The following SMCO4 variants were observed in gnomAD, a reference collection of about 807,000 sequenced individuals.
SMCO4 encodes single-pass membrane protein with coiled-coil domains 4, also known as single-pass membrane and coiled-coil domain-containing protein 4.
SMCO4 carries 4 observed loss-of-function variants against 3.6 expected under a neutral mutation model. The observed-to-expected ratio is 1.11, with a 90% CI of 0.54 to 2.53. The LOEUF is 2.53. Among genes scored for constraint, SMCO4 ranks in the 30% most tolerant of loss-of-function variants. SMCO4 has a pLI of 0.02. For missense variants in SMCO4, 70 were observed against 80.8 expected (o/e 0.87, Z 0.51); for synonymous variants, 36 against 35.3 (o/e 1.02, Z -0.07).
chr11:93,510,830 G>A (rs1383441207), intron 1 of SMCO4, among the ~76,000 whole-genome samples: 3 of 152,190 alleles, frequency 2.0e-5, no homozygotes, highest in African/African-American at 7.2e-5. Flanking sequence ...CCACTGCAGT[G>A]GCTCATGCCT....
intron 1 of SMCO4, among the ~76,000 whole-genome samples, chr11:93,504,514 C>T (rs1948880415): frequency 6.6e-6 from 1 of 152,192 alleles, no homozygotes. Flanking sequence ...CCAAAAGCAC[C>T]AGTTAATAAA....
intron 1 of SMCO4, among the ~76,000 whole-genome samples, chr11:93,528,407 C>T (rs1949131872): frequency 6.6e-6 from 1 of 152,190 alleles, no homozygotes; most frequent in Non-Finnish European, 1.5e-5. Flanking sequence ...GCCTCCAGAG[C>T]CAGAATGGAG....
chr11:93,516,274 A>G (rs1949007218), intron 1 of SMCO4, among the ~76,000 whole-genome samples: 1 of 152,190 alleles, frequency 6.6e-6, no homozygotes, highest in Non-Finnish European at 1.5e-5. Context: ...TGCCGGTCCC[A>G]AAAGAAAGAA....
chr11:93,519,109 T>C (rs1031657223), intron 1 of SMCO4, among the ~76,000 whole-genome samples: 2 of 152,260 alleles, frequency 1.3e-5, no homozygotes, highest in Middle Eastern at 6.8e-3. Context: ...AAGGGAAAGA[T>C]ACGAAAGCAT....
At chr11:93,535,744 G>A in intron 1 of SMCO4, 4 of 1,612,404 alleles carry the variant, frequency 2.5e-6, no homozygotes, top group Non-Finnish European at 3.4e-6. Flanking sequence ...TAACATGGAT[G>A]GGCTGAAGAA....
chr11:93,544,465 G>C (rs1949300135), upstream of SMCO4, among the ~76,000 whole-genome samples: 1 of 152,120 alleles, frequency 6.6e-6, no homozygotes, highest in African/African-American at 2.4e-5. Context: ...CTGTTTTGAA[G>C]AATTGTGGAA....
chr11:93,534,357 C>CATATAT lies in SMCO4; in HGVS notation c.-154+8913_-154+8918dup, dbSNP rs574528655. 4.3e-3 allele frequency among the ~76,000 whole-genome samples: 372 copies of CATATAT among 87,016 alleles called. 2 individuals carry two copies. Among genetic ancestry groups the CATATAT allele is most frequent in the East Asian group, 0.039 (96 of 2,466 alleles). The allele number at this position is 87,016 out of a possible 152,430, so 57.1% of individuals were successfully genotyped here. A position where few individuals can be genotyped will look rare whatever the true frequency, so the allele number is the denominator to read the frequency against. ...ATATATACACATATATATACACATA[C>CATATAT]ATATATATATATATATATAGAGAGA... is the stretch of plus-strand genomic sequence containing the variant. On this transcript the variant is annotated intron_variant, in intron 1 of 2. Coordinates refer to ENST00000298966, the MANE Select transcript of SMCO4 (RefSeq NM_020179.3).
upstream of SMCO4, among the ~76,000 whole-genome samples, chr11:93,544,687 AG>A (rs1190617687): frequency 6.6e-6 from 1 of 152,014 alleles, no homozygotes; most frequent in Non-Finnish European, 1.5e-5. Context: ...TACAAAAGGC[AG>A]CAATGCAGTA....
intron 2 of SMCO4, among the ~76,000 whole-genome samples, chr11:93,493,849 C>T (rs1948746616): frequency 3.3e-5 from 5 of 152,186 alleles, no homozygotes. Flanking sequence ...TGATACAAGA[C>T]TGTCCCTCTC....
At chr11:93,527,117 A>ACCAC (rs1162295076) in intron 1 of SMCO4, among the ~76,000 whole-genome samples, 1 of 152,230 alleles carries the variant, frequency 6.6e-6, no homozygotes, top group East Asian at 1.9e-4. Context: ...AATCGGGCTG[A>ACCAC]CCACCACCTC....
At position 93,517,320 on chromosome 11, in the gene SMCO4, G is replaced by GT. The variant is rs559237997; in HGVS notation, c.-153-17973dup. On this transcript the variant is annotated intron_variant, in intron 1 of 2. Coordinates refer to ENST00000298966, the MANE Select transcript of SMCO4 (RefSeq NM_020179.3). Reference sequence around the variant, plus strand: ...CCTTACGACTGCCGTAATCCAATTGGTTTTTTCTTCTTTAATTTAATCAAG... The same window carrying GT: ...CCTTACGACTGCCGTAATCCAATTGGTTTTTTTCTTCTTTAATTTAATCAAG... Among the ~76,000 whole-genome samples, 9 of 152,220 alleles carry GT rather than the reference G, an allele frequency of 5.9e-5. No homozygotes were observed. In the South Asian group the frequency reaches 1.2e-3, roughly 21 times the overall value.
chr11:93,546,617 G>A (rs935085622), upstream of SMCO4, among the ~76,000 whole-genome samples: 3 of 152,168 alleles, frequency 2.0e-5, no homozygotes, highest in Non-Finnish European at 4.4e-5. Flanking sequence ...AAATATCCAA[G>A]GTCCTGGAGC....
At chr11:93,517,868 C>CA (rs1281619520) in intron 1 of SMCO4, among the ~76,000 whole-genome samples, 2 of 152,222 alleles carry the variant, frequency 1.3e-5, no homozygotes, top group African/African-American at 4.8e-5. Flanking sequence ...TGCTAGACAG[C>CA]AACTCTTGTA....
intron 1 of SMCO4, among the ~76,000 whole-genome samples, chr11:93,500,091 T>C (rs571241547): frequency 1.3e-5 from 2 of 152,362 alleles, no homozygotes; most frequent in African/African-American, 4.8e-5. Context: ...AATTGAGTAA[T>C]GGTACAATGC....
upstream of SMCO4, among the ~76,000 whole-genome samples, chr11:93,545,624 A>G (rs1456498010): frequency 1.3e-5 from 2 of 149,590 alleles, no homozygotes; most frequent in East Asian, 4.0e-4. Context: ...GAGAGAGAGA[A>G]AAGAAAAAGA....
intron 1 of SMCO4, among the ~76,000 whole-genome samples, chr11:93,525,361 T>A (rs998842129): frequency 3.9e-5 from 6 of 152,162 alleles, no homozygotes; most frequent in Non-Finnish European, 8.8e-5. Flanking sequence ...ATAATCTGCA[T>A]AAAAGGCAAG....
intron 1 of SMCO4, among the ~76,000 whole-genome samples, chr11:93,515,103 A>G (rs1948997122): frequency 6.6e-6 from 1 of 152,222 alleles, no homozygotes; most frequent in Non-Finnish European, 1.5e-5. Flanking sequence ...AAATATAATT[A>G]AAACTCAACT....
chr11:93,552,828 T>A, the SMCO4 span, among the ~76,000 whole-genome samples: 19 of 148,064 alleles, frequency 1.3e-4, no homozygotes, highest in African/African-American at 4.9e-4. Context: ...CATGTCCACA[T>A]CAATTTAATT....
chr11:93,500,376 T>C (rs1483408239), intron 1 of SMCO4, among the ~76,000 whole-genome samples: 1 of 152,222 alleles, frequency 6.6e-6, no homozygotes, highest in African/African-American at 2.4e-5. Flanking sequence ...TAAACAGTTG[T>C]TGTTTTTTTA....
Sources: allele counts gnomAD v4.1 joint callset (sites outside exome capture counted in the v4.1 genomes callset), GRCh38; gene constraint gnomAD v4.1.1; transcripts MANE v1.5; gene names NCBI Gene and HGNC (gene_info 2026-07-23, HGNC 2026-07-21).